GRHL2: variants seen among roughly 807,000 people sequenced by gnomAD.
The protein encoded by GRHL2 is grainyhead like transcription factor 2, also known as grainyhead-like protein 2 homolog.
Under a neutral mutation model 83.8 loss-of-function variants are expected in GRHL2, and 21 were observed. The ratio of observed to expected loss-of-function variants is 0.25; its 90% CI spans 0.18 to 0.36. The LOEUF is 0.36. GRHL2 is among the 10% of genes least tolerant of loss of function. GRHL2 has a pLI of 1.00. For missense variants in GRHL2, 623 were observed against 781.8 expected, an observed-to-expected ratio of 0.80 and a Z score of 2.42; for synonymous variants, 280 against 278.9, an observed-to-expected ratio of 1.00 and a Z score of -0.04.
chr8:101,530,230 C>T (rs1056217731), intron 1 of GRHL2, among the ~76,000 whole-genome samples: 2 of 152,196 alleles, frequency 1.3e-5, no homozygotes, highest in African/African-American at 4.8e-5. Context: ...ATTCCAGTCT[C>T]TTCTGCTTTC....
chr8:101,554,040 C>T (rs1811442377), intron 3 of GRHL2, among the ~76,000 whole-genome samples: 1 of 152,200 alleles, frequency 6.6e-6, no homozygotes, highest in African/African-American at 2.4e-5. Flanking sequence ...GAAGTAAAAT[C>T]CCCTACTAGC....
chr8:101,619,741 A>T lies in GRHL2; in HGVS notation c.1257+44A>T, dbSNP rs1304347817. 8 of 1,445,298 alleles carry T rather than the reference A, an allele frequency of 5.5e-6. No homozygotes were observed. In the Admixed American group the frequency reaches 1.3e-4, roughly 24 times the overall value. 89.5% of individuals were successfully genotyped at this position (1,445,298 alleles called of 1,614,324 possible). A position where few individuals can be genotyped will look rare whatever the true frequency, so the allele number is the denominator to read the frequency against. On this transcript the variant is annotated intron_variant, in intron 9 of 15. Coordinates refer to ENST00000646743, the MANE Select transcript of GRHL2 (RefSeq NM_024915.4). Reference sequence around the variant, plus strand: ...TTTTTATAAAGGTATCTTTTTTATTAGATATTACTTTTAATGGCATTTCTT... The same window carrying T: ...TTTTTATAAAGGTATCTTTTTTATTTGATATTACTTTTAATGGCATTTCTT...
chr8:101,492,978 A>G (rs1367545959), intron 1 of GRHL2, 189 bp downstream of exon 1: 1 of 645,244 alleles, frequency 1.5e-6, no homozygotes, highest in Non-Finnish European at 2.8e-6. Context: ...ACCCTACAAC[A>G]ATGTGAATAT....
chr8:101,680,462 C>A, the GRHL2 span, among the ~76,000 whole-genome samples: 1 of 146,254 alleles, frequency 6.8e-6, no homozygotes, highest in South Asian at 2.3e-4. Context: ...CTTAGACTCC[C>A]ACACATTAAT....
intron 2 of GRHL2, among the ~76,000 whole-genome samples, chr8:101,546,503 G>A (rs1048215303): frequency 9.2e-5 from 14 of 151,374 alleles, no homozygotes; most frequent in African/African-American, 3.4e-4. Context: ...TCTGTCTCCC[G>A]AGTTCAAACA....
At chr8:101,504,163 A>G (rs1470075262) in intron 1 of GRHL2, among the ~76,000 whole-genome samples, 1 of 152,156 alleles carries the variant, frequency 6.6e-6, no homozygotes, top group African/African-American at 2.4e-5. Context: ...CCCCTGCAGA[A>G]ATCCCTGCCC....
At chr8:101,581,706 C>T (rs991055589) in intron 7 of GRHL2, among the ~76,000 whole-genome samples, 7 of 152,128 alleles carry the variant, frequency 4.6e-5, no homozygotes, top group African/African-American at 1.4e-4. Flanking sequence ...CTTTGTTAGG[C>T]ACTGGCAATA....
chr8:101,562,284 A>C (rs1435900629), intron 4 of GRHL2: 2 of 613,816 alleles, frequency 3.3e-6, no homozygotes, highest in African/African-American at 3.7e-5. Context: ...TTCAAATTCA[A>C]ATGAATTATA....
intron 3 of GRHL2, among the ~76,000 whole-genome samples, chr8:101,555,557 G>A (rs1211926653): frequency 6.6e-6 from 1 of 152,160 alleles, no homozygotes; most frequent in African/African-American, 2.4e-5. Context: ...ACATGGTAAT[G>A]TAAATGGGTG....
rs769011518 is a variant in GRHL2 at position 101,577,447 on chromosome 8, G to T, written c.931G>T (p.Asp311Tyr). 6.2e-7 allele frequency: 1 copy of T among 1,614,068 alleles called. No homozygotes were observed. Among genetic ancestry groups the T allele is most frequent in the Non-Finnish European group, 8.5e-7 (1 of 1,179,950 alleles). ...GGTCTTCAGTGAAGACAAAAACAGA[G>T]ATGAACAGCTCAAATACTGGAAATA... ...MVVFSEDKNR[D>Y]EQLKYWKYWH... is the part of the protein sequence containing the mutation. The change falls in exon 7 of 16, where the codon GAT becomes TAT. Residue 311 changes from aspartate to tyrosine, a missense_variant. By Grantham distance (160) the Asp-to-Tyr change is radical. This residue lies in a region of GRHL2 where 96 missense variants were observed against 144.8 expected (regional missense o/e 0.66). Coordinates refer to ENST00000646743, the MANE Select transcript of GRHL2 (RefSeq NM_024915.4).
At chr8:101,658,382 T>C (rs1219671084) in intron 14 of GRHL2, among the ~76,000 whole-genome samples, 2 of 152,208 alleles carry the variant, frequency 1.3e-5, no homozygotes, top group East Asian at 3.9e-4. Flanking sequence ...TGAGGGATCC[T>C]GGGTGAGTTA....
At chr8:101,537,705 A>G (rs1197701236) in intron 1 of GRHL2, among the ~76,000 whole-genome samples, 2 of 152,266 alleles carry the variant, frequency 1.3e-5, no homozygotes, top group Non-Finnish European at 1.5e-5. Flanking sequence ...GAGATGAGCA[A>G]CTCATCTAAA....
chr8:101,563,997 G>A (rs1247009694), intron 4 of GRHL2, among the ~76,000 whole-genome samples: 1 of 152,192 alleles, frequency 6.6e-6, no homozygotes, highest in African/African-American at 2.4e-5. Flanking sequence ...TTTGGGGGAT[G>A]TGTTATCAGT....
intron 7 of GRHL2, among the ~76,000 whole-genome samples, chr8:101,581,742 T>C (rs939064073): frequency 2.0e-5 from 3 of 152,308 alleles, no homozygotes; most frequent in Non-Finnish European, 4.4e-5. Flanking sequence ...CAGAGCCCTG[T>C]ACTCAAACTG....
At chr8:101,608,058 G>A (rs1380310129) in intron 8 of GRHL2, among the ~76,000 whole-genome samples, 1 of 152,216 alleles carries the variant, frequency 6.6e-6, no homozygotes, top group Non-Finnish European at 1.5e-5. Context: ...TAAAATGATT[G>A]TGTGTGCGTG....
chr8:101,612,508 G>GATACATAC (rs1263240211), intron 8 of GRHL2, among the ~76,000 whole-genome samples: 30 of 128,656 alleles, frequency 2.3e-4, no homozygotes, highest in East Asian at 8.7e-4. Context: ...TAGATAGATA[G>GATACATAC]ATAGATAGAT....
At chr8:101,497,240 A>T (rs1391516372) in intron 1 of GRHL2, among the ~76,000 whole-genome samples, 1 of 152,190 alleles carries the variant, frequency 6.6e-6, no homozygotes, top group African/African-American at 2.4e-5. Flanking sequence ...GTTTCCTCAG[A>T]CACGCCCACC....
chr8:101,663,290 G>A (rs1298153852), intron 14 of GRHL2, among the ~76,000 whole-genome samples: 1 of 152,142 alleles, frequency 6.6e-6, no homozygotes, highest in African/African-American at 2.4e-5. Context: ...TCTGGCTGAT[G>A]CTGTATTATC....
Position 101,662,851 on chromosome 8 carries a change from A to G in GRHL2, c.1699-1603A>G, listed in dbSNP as rs141682804. Among the ~76,000 whole-genome samples, 1,173 of 139,782 alleles carry G rather than the reference A, an allele frequency of 8.4e-3. 12 individuals carry two copies. The highest frequency in any genetic ancestry group is 0.022 in the South Asian group (84 of 3,902). 91.7% of individuals were successfully genotyped at this position (139,782 alleles called of 152,430 possible). ...TTGGTGGGTCCTTCAAATATTCTCT[A>G]TGTACTTACATATATATACATATAT... On this transcript the variant is annotated intron_variant, in intron 14 of 15. Transcript: ENST00000646743.
Sources: gnomAD v4.1 joint callset for allele counts (sites outside exome capture counted in the v4.1 genomes callset) on GRCh38, gnomAD v4.1.1 for gene constraint, gnomAD v4.1.1 regional missense constraint, MANE v1.5 for transcripts, NCBI Gene and HGNC (gene_info 2026-07-23, HGNC 2026-07-21) for gene names.